Variants in ADAMTS2 observed in about 807,000 individuals in gnomAD.
The protein encoded by ADAMTS2 is ADAM metallopeptidase with thrombospondin type 1 motif 2.
Under a neutral mutation model 123.0 loss-of-function variants are expected in ADAMTS2, and 50 were observed. The ratio of observed to expected loss-of-function variants is 0.41; its 90% CI spans 0.32 to 0.51. ADAMTS2 has a LOEUF of 0.51. Ranked by LOEUF, ADAMTS2 falls within the 20% of genes least tolerant of loss-of-function variation. The probability of loss-of-function intolerance (pLI) is 0.35; values close to 1 mark genes in which losing one functional copy is unlikely to be tolerated. For missense variants in ADAMTS2, 1,494 were observed against 1,705.2 expected, an observed-to-expected ratio of 0.88 and a Z score of 2.18; for synonymous variants, 678 against 695.4, an observed-to-expected ratio of 0.98 and a Z score of 0.39.
chr5:179,287,732 C>T (rs1379429130), intron 2 of ADAMTS2, among the ~76,000 whole-genome samples: 3 of 152,224 alleles, frequency 2.0e-5, no homozygotes, highest in Admixed American at 6.5e-5. Context: ...CTTCCCACAG[C>T]GGGTGCTCCT....
At chr5:179,329,640 T>G (rs1053551057) in intron 2 of ADAMTS2, among the ~76,000 whole-genome samples, 2 of 152,130 alleles carry the variant, frequency 1.3e-5, no homozygotes, top group African/African-American at 4.8e-5. Flanking sequence ...ACAGGCTGAG[T>G]AACCAGAAGA....
intron 2 of ADAMTS2, among the ~76,000 whole-genome samples, chr5:179,298,526 A>G (rs1434861386): frequency 1.3e-5 from 2 of 152,334 alleles, no homozygotes; most frequent in East Asian, 3.9e-4. Context: ...ACTGTGAGAA[A>G]TAAACTTCTG....
intron 3 of ADAMTS2, among the ~76,000 whole-genome samples, chr5:179,217,890 T>G (rs1765038618): frequency 1.0e-5 from 1 of 99,032 alleles, no homozygotes; most frequent in Non-Finnish European, 2.0e-5. Context: ...GCACACTCAC[T>G]AGGTAGGGGA....
chr5:179,245,818 G>T (rs1054241655), intron 3 of ADAMTS2, among the ~76,000 whole-genome samples: 7 of 141,316 alleles, frequency 5.0e-5, no homozygotes, highest in African/African-American at 1.8e-4. Flanking sequence ...AGATGGGGGT[G>T]GAAGAATAGA....
intron 7 of ADAMTS2, 83 bp downstream of exon 7, chr5:179,154,731 A>T: frequency 1.7e-6 from 2 of 1,160,792 alleles, no homozygotes; most frequent in Non-Finnish European, 2.5e-6. Flanking sequence ...TGTCCCTCTT[A>T]AGGCACAGAG....
chr5:179,324,884 A>G (rs1317293210), intron 2 of ADAMTS2, among the ~76,000 whole-genome samples: 1 of 150,840 alleles, frequency 6.6e-6, no homozygotes, highest in African/African-American at 2.4e-5. Flanking sequence ...GGCCAGGCCT[A>G]TGGGGTTCCC....
At chr5:179,337,982 C>A (rs529812265) in intron 2 of ADAMTS2, among the ~76,000 whole-genome samples, 24 of 152,372 alleles carry the variant, frequency 1.6e-4, no homozygotes, top group African/African-American at 5.5e-4. Context: ...TGCATTCACT[C>A]AGGCATGACT....
In ADAMTS2 at chr5:179,153,610, G is replaced by C; in HGVS notation, c.1396C>G (p.Leu466Val). Residue 466 changes from leucine (L) to valine (V), a missense_variant, in exon 9 of 22, where the codon CTG (leucine) becomes GTG (valine). Coordinates refer to ENST00000251582, the MANE Select transcript of ADAMTS2 (RefSeq NM_014244.5). ...TCGTGGGCGAAGGGGTCATCCAGCA[G>C]GCAGTCATAGGAGCTGTGGGGGACA... ...LSRYLHSYDCLLDDPFAHDWP... is the reference protein window; with the variant it reads ...LSRYLHSYDCVLDDPFAHDWP... 6.2e-7 allele frequency: 1 copy of C among 1,604,242 alleles called. No homozygotes were observed. Among genetic ancestry groups the C allele is most frequent in the Non-Finnish European group, 8.5e-7 (1 of 1,179,596 alleles).
chr5:179,338,404 G>C (rs33899), intron 2 of ADAMTS2, among the ~76,000 whole-genome samples: 25,479 of 152,166 alleles, frequency 0.17, 2,214 homozygotes, highest in Middle Eastern at 0.25. Flanking sequence ...GCTGCTCCCC[G>C]GACCCCCTCC....
At chr5:179,125,944 C>G in intron 18 of ADAMTS2, 54 bp downstream of exon 18, 1 of 1,610,834 alleles carries the variant, frequency 6.2e-7, no homozygotes, top group Non-Finnish European at 8.5e-7. Context: ...ACGGGAGCCC[C>G]TGGTGGCCCC....
intron 3 of ADAMTS2, among the ~76,000 whole-genome samples, chr5:179,211,255 G>A (rs1014114418): frequency 1.7e-4 from 26 of 152,194 alleles, no homozygotes; most frequent in African/African-American, 4.8e-4. Flanking sequence ...CACTCACCCC[G>A]CCTGGATGAG....
At chr5:179,319,183 CCATGCAGACG>C (rs575223817) in intron 2 of ADAMTS2, among the ~76,000 whole-genome samples, 390 of 152,150 alleles carry the variant, frequency 2.6e-3, no homozygotes, top group African/African-American at 8.8e-3. Context: ...CACACAGGCA[CCATGCAGACG>C]CATGCACACA....
At chr5:179,295,660 A>G (rs561897244) in intron 2 of ADAMTS2, among the ~76,000 whole-genome samples, 1 of 152,232 alleles carries the variant, frequency 6.6e-6, no homozygotes, top group South Asian at 2.1e-4. Context: ...CCCTGCAACC[A>G]CCACAGACTC....
chr5:179,222,523 G>T (rs185591101), intron 3 of ADAMTS2, among the ~76,000 whole-genome samples: 36 of 152,344 alleles, frequency 2.4e-4, no homozygotes, highest in Admixed American at 1.2e-3. Context: ...GGCCCCAGCT[G>T]CCCTCAACAC....
At chr5:179,245,787 A>AAAAAAAAC (rs1765784014) in intron 3 of ADAMTS2, among the ~76,000 whole-genome samples, 2 of 76,182 alleles carry the variant, frequency 2.6e-5, no homozygotes, top group Admixed American at 1.4e-4. Context: ...AAAAAAAAAA[A>AAAAAAAAC]AAAAAAAACA....
chr5:179,218,201 C>T (rs534719519), intron 3 of ADAMTS2, among the ~76,000 whole-genome samples: 3 of 152,330 alleles, frequency 2.0e-5, no homozygotes, highest in South Asian at 4.1e-4. Flanking sequence ...GGGCCACCAC[C>T]AGGCTCAGGA....
At chr5:179,330,127 C>T (rs1409564889) in intron 2 of ADAMTS2, among the ~76,000 whole-genome samples, 24 of 114,260 alleles carry the variant, frequency 2.1e-4, no homozygotes, top group Non-Finnish European at 3.6e-4. Flanking sequence ...AGCGAGACTC[C>T]GTCTCAAAAA....
At chr5:179,230,433 C>G (rs550451606) in intron 3 of ADAMTS2, among the ~76,000 whole-genome samples, 1 of 152,334 alleles carries the variant, frequency 6.6e-6, no homozygotes, top group African/African-American at 2.4e-5. Flanking sequence ...GGGCCTGCTT[C>G]TGCTGATGCC....
intron 10 of ADAMTS2, among the ~76,000 whole-genome samples, chr5:179,148,848 G>T (rs1763300298): frequency 6.6e-6 from 1 of 152,196 alleles, no homozygotes; most frequent in Non-Finnish European, 1.5e-5. Flanking sequence ...CCCAGACGGA[G>T]GGGGGTACTG....
Sources: allele counts gnomAD v4.1 joint callset (sites outside exome capture counted in the v4.1 genomes callset), GRCh38; gene constraint gnomAD v4.1.1; transcripts MANE v1.5; gene names NCBI Gene and HGNC (gene_info 2026-07-23, HGNC 2026-07-21).